The following STXBP5L variants were observed in gnomAD, a reference collection of about 807,000 sequenced individuals.
STXBP5L encodes syntaxin binding protein 5L.
STXBP5L carries 65 observed loss-of-function variants against 144.5 expected under a neutral mutation model. That is an observed-to-expected ratio of 0.45 (90% CI 0.37 to 0.55). The LOEUF (loss-of-function observed/expected upper bound fraction) is 0.55. STXBP5L is among the 20% of genes least tolerant of loss of function. The probability of loss-of-function intolerance (pLI) is 0.00; values close to 1 mark genes in which losing one functional copy is unlikely to be tolerated. For missense variants in STXBP5L, 1,298 were observed against 1,405.5 expected (o/e 0.92, Z 1.22); for synonymous variants, 505 against 469.6 (o/e 1.08, Z -0.97).
chr3:120,937,737 C>A (rs1246402114), intron 2 of STXBP5L, among the ~76,000 whole-genome samples: 5 of 151,960 alleles, frequency 3.3e-5, no homozygotes, highest in African/African-American at 7.2e-5. Context: ...TCTTAAAAAA[C>A]AAACAAACAA....
At chr3:120,977,912 C>G (rs1437558716) in intron 3 of STXBP5L, among the ~76,000 whole-genome samples, 1 of 152,242 alleles carries the variant, frequency 6.6e-6, no homozygotes, top group African/African-American at 2.4e-5. Context: ...GCCAAGAGAT[C>G]TGCTGTTAGT....
At chr3:121,417,390 A>G (rs969743686) in intron 25 of STXBP5L, among the ~76,000 whole-genome samples, 1 of 152,226 alleles carries the variant, frequency 6.6e-6, no homozygotes, top group Non-Finnish European at 1.5e-5. Flanking sequence ...AAAAAAATCT[A>G]GAATCCATTC....
At chr3:121,342,497 C>T (rs2044753161) in intron 20 of STXBP5L, among the ~76,000 whole-genome samples, 1 of 123,674 alleles carries the variant, frequency 8.1e-6, no homozygotes. Context: ...TCCTTCCCCC[C>T]TCCCCCCACC....
At chr3:121,282,184 G>A in intron 19 of STXBP5L, 1 of 1,257,534 alleles carries the variant, frequency 8.0e-7, no homozygotes, top group Non-Finnish European at 1.1e-6. Context: ...ATTCTGGTAT[G>A]ATATCACTTC....
intron 9 of STXBP5L, among the ~76,000 whole-genome samples, chr3:121,162,357 T>C (rs1045778205): frequency 1.3e-5 from 2 of 152,168 alleles, no homozygotes; most frequent in Admixed American, 6.5e-5. Context: ...CTGGGAAAAC[T>C]GGCTAGTGAT....
chr3:121,376,260 T>C (rs542828070), intron 20 of STXBP5L, among the ~76,000 whole-genome samples: 2 of 152,346 alleles, frequency 1.3e-5, no homozygotes, highest in Admixed American at 6.5e-5. Context: ...AGAACTGAGA[T>C]TTGATTCCAG....
At chr3:121,395,527 T>C (rs2046707312) in intron 22 of STXBP5L, among the ~76,000 whole-genome samples, 1 of 152,180 alleles carries the variant, frequency 6.6e-6, no homozygotes, top group African/African-American at 2.4e-5. Context: ...TGTTTACAAA[T>C]AGGTTTTTGA....
Position 121,407,328 on chromosome 3 carries a change from T to C in STXBP5L, c.2673T>C (p.Val891=). The C allele has an allele frequency of 3.1e-6, 5 of 1,612,652 alleles. No individual in the cohort carries two copies. Among genetic ancestry groups the C allele is most frequent in the Non-Finnish European group, 4.2e-6 (5 of 1,179,194 alleles). The part of the protein sequence containing the change: ...MGGLMQPPYE[V]WRDPNNIDEN... ...GATTAATGCAACCGCCATATGAAGT[T>C]TGGAGGGATCCAAACAACATAGATG... The change falls in exon 23 of 27, where the codon GTT becomes GTC. Residue 891 remains valine, a synonymous_variant. Coordinates refer to ENST00000471454, the MANE Select transcript of STXBP5L (RefSeq NM_001308330.2).
At chr3:121,415,660 A>T (rs925490458) in intron 24 of STXBP5L, among the ~76,000 whole-genome samples, 197 bp from the exon 25 acceptor site, 2 of 152,202 alleles carry the variant, frequency 1.3e-5, no homozygotes, top group African/African-American at 4.8e-5. Flanking sequence ...AAATTTTAGA[A>T]TGTTTGTTAC....
chr3:120,936,632 CAG>C (rs1028839107), intron 2 of STXBP5L, among the ~76,000 whole-genome samples: 1 of 150,892 alleles, frequency 6.6e-6, no homozygotes, highest in African/African-American at 2.4e-5. Flanking sequence ...TTTTTTTTGA[CAG>C]AGTCTCGCTC....
chr3:121,262,981 T>G (rs1370703388), intron 18 of STXBP5L, among the ~76,000 whole-genome samples: 1 of 152,198 alleles, frequency 6.6e-6, no homozygotes, highest in Non-Finnish European at 1.5e-5. Context: ...AGGGACAGAC[T>G]GCCTCCTCAA....
chr3:121,262,490 C>T (rs759289332), intron 18 of STXBP5L, among the ~76,000 whole-genome samples: 1 of 151,918 alleles, frequency 6.6e-6, no homozygotes, highest in Non-Finnish European at 1.5e-5. Context: ...ATTAGCTGTG[C>T]GTGATGGCAC....
intron 2 of STXBP5L, among the ~76,000 whole-genome samples, chr3:120,918,551 T>C (rs1294100265): frequency 6.6e-6 from 1 of 152,202 alleles, no homozygotes; most frequent in Non-Finnish European, 1.5e-5. Context: ...ATTGTACCCT[T>C]CCACCTGTAA....
chr3:121,090,735 G>T (rs559837692), intron 5 of STXBP5L, among the ~76,000 whole-genome samples: 2 of 150,852 alleles, frequency 1.3e-5, no homozygotes, highest in Admixed American at 6.6e-5. Flanking sequence ...TACTTCATGG[G>T]GACACAATTA....
At chr3:120,912,453 C>CT (rs1435621332) in intron 2 of STXBP5L, among the ~76,000 whole-genome samples, 2 of 151,838 alleles carry the variant, frequency 1.3e-5, no homozygotes, top group South Asian at 2.1e-4. Flanking sequence ...GATAAAAAAA[C>CT]TTTTTATATT....
At chr3:121,366,520 T>C (rs2045868134) in intron 20 of STXBP5L, among the ~76,000 whole-genome samples, 1 of 152,068 alleles carries the variant, frequency 6.6e-6, no homozygotes, top group Non-Finnish European at 1.5e-5. Flanking sequence ...TTTAACTTTA[T>C]AAATTTAAAG....
intron 2 of STXBP5L, among the ~76,000 whole-genome samples, chr3:120,948,034 C>T (rs1050171478): frequency 6.6e-6 from 1 of 151,706 alleles, no homozygotes; most frequent in Non-Finnish European, 1.5e-5. Context: ...AATCTATTTT[C>T]CAAAGAGCCT....
intron 3 of STXBP5L, among the ~76,000 whole-genome samples, chr3:120,996,930 T>C (rs1427522769): frequency 6.6e-6 from 1 of 152,112 alleles, no homozygotes; most frequent in African/African-American, 2.4e-5. Flanking sequence ...TAGTCAATAG[T>C]TTTTCAATCC....
At chr3:121,059,104 AG>A (rs770284323) in intron 5 of STXBP5L, among the ~76,000 whole-genome samples, 10 of 152,178 alleles carry the variant, frequency 6.6e-5, no homozygotes, top group South Asian at 2.1e-4. Context: ...TTATGATTTT[AG>A]GTCTTACGTT....
Sources: gnomAD v4.1 joint callset for allele counts (sites outside exome capture counted in the v4.1 genomes callset) on GRCh38, gnomAD v4.1.1 for gene constraint, MANE v1.5 for transcripts, NCBI Gene and HGNC (gene_info 2026-07-23, HGNC 2026-07-21) for gene names.